The following GALNT18 variants were observed in gnomAD, a reference collection of about 807,000 sequenced individuals.
GALNT18 encodes polypeptide N-acetylgalactosaminyltransferase 18.
In GALNT18, 44 loss-of-function variants were observed where a neutral mutation model predicts 69.5. The observed-to-expected ratio is 0.63, with a 90% CI of 0.50 to 0.81. GALNT18 has a LOEUF of 0.81. GALNT18 is among the 40% of genes least tolerant of loss of function. The pLI, the probability that GALNT18 is intolerant of heterozygous loss-of-function variation, is 0.00. For missense variants in GALNT18, 715 were observed against 810.0 expected (o/e 0.88, Z 1.42); for synonymous variants, 364 against 318.2 (o/e 1.14, Z -1.53).
chr11:11,390,408 GA>G (rs1440000254), intron 3 of GALNT18, among the ~76,000 whole-genome samples: 1 of 152,190 alleles, frequency 6.6e-6, no homozygotes, highest in Non-Finnish European at 1.5e-5. Flanking sequence ...AGACACAGGG[GA>G]CTAGAAAACA....
In GALNT18 at chr11:11,339,529, A is replaced by G. The variant is rs1013819309; in HGVS notation, c.1278+1290T>C. ...TTCCAAGTGTTCTTAATATTTTGCC[A>G]TCACAGGACACCTACCACAGGGCTT... On this transcript the variant is annotated intron_variant, in intron 7 of 10. Coordinates refer to ENST00000227756, the MANE Select transcript of GALNT18 (RefSeq NM_198516.3). This position sits in a 1 kb window ranked among gnomAD's most constrained non-coding sequence, Gnocchi z 5.2. Among the ~76,000 whole-genome samples, 28 of 152,152 alleles carry G rather than the reference A, an allele frequency of 1.8e-4. No individual in the cohort carries two copies. Among genetic ancestry groups the G allele is most frequent in the Admixed American group, 1.6e-3 (24 of 15,266 alleles).
chr11:11,276,217 C>G (rs981373991), intron 10 of GALNT18, among the ~76,000 whole-genome samples: 7 of 152,202 alleles, frequency 4.6e-5, no homozygotes, highest in Admixed American at 2.0e-4. Context: ...TTGAGCAGTG[C>G]TTTGTAGTTC....
intron 3 of GALNT18, among the ~76,000 whole-genome samples, chr11:11,388,689 C>T (rs994710871): frequency 1.1e-4 from 16 of 152,150 alleles, no homozygotes; most frequent in African/African-American, 2.9e-4. Flanking sequence ...GCTGGTCTAA[C>T]GCCCAGGGCT....
At chr11:11,475,098 A>G (rs1429449037) in intron 1 of GALNT18, 1 of 152,246 alleles carries the variant, frequency 6.6e-6, no homozygotes, top group Non-Finnish European at 1.5e-5. Flanking sequence ...ACTACTGAAT[A>G]CCATGTAAAT....
intron 6 of GALNT18, among the ~76,000 whole-genome samples, chr11:11,368,590 T>G (rs927902506): frequency 3.9e-5 from 6 of 152,192 alleles, no homozygotes; most frequent in African/African-American, 1.2e-4. Flanking sequence ...TTTTCCAGTT[T>G]CTTAATTTTA....
chr11:11,364,700 A>G (rs576392984), intron 6 of GALNT18, among the ~76,000 whole-genome samples: 616 of 152,234 alleles, frequency 4.0e-3, no homozygotes, highest in African/African-American at 0.014. Flanking sequence ...ATACTAGAAT[A>G]TTTGACAGTA....
chr11:11,553,988 T>C (rs570078197), intron 1 of GALNT18, among the ~76,000 whole-genome samples: 9 of 152,324 alleles, frequency 5.9e-5, no homozygotes, highest in African/African-American at 2.2e-4. Flanking sequence ...TGATTACTGC[T>C]CCCCTTCTGC....
intron 1 of GALNT18, among the ~76,000 whole-genome samples, chr11:11,552,507 G>A (rs760207037): frequency 7.9e-5 from 12 of 152,192 alleles, no homozygotes; most frequent in Non-Finnish European, 1.8e-4. Context: ...AATGCAAACA[G>A]CATATGGGCA....
At chr11:11,286,569 C>T (rs1008062926) in intron 10 of GALNT18, among the ~76,000 whole-genome samples, 9 of 152,128 alleles carry the variant, frequency 5.9e-5, no homozygotes, top group Admixed American at 1.3e-4. Context: ...TTTGGGGCTC[C>T]CACAAACCTA....
At chr11:11,414,126 C>T (rs1213686334) in intron 3 of GALNT18, among the ~76,000 whole-genome samples, 4 of 152,186 alleles carry the variant, frequency 2.6e-5, no homozygotes, top group African/African-American at 4.8e-5. Context: ...TCTCTCCCTA[C>T]AGCCATTACA....
chr11:11,331,785 G>C (rs1315441929), intron 8 of GALNT18, among the ~76,000 whole-genome samples: 2 of 152,128 alleles, frequency 1.3e-5, no homozygotes, highest in African/African-American at 2.4e-5. Flanking sequence ...GAGTAGTCTT[G>C]GGGGTTTGTC....
At position 11,464,651 on chromosome 11, in the gene GALNT18, C is replaced by T. The variant is rs78718670; in HGVS notation, c.236-15715G>A. Among the ~76,000 whole-genome samples the T allele has an allele frequency of 6.4e-3, 968 of 152,260 alleles. 4 individuals carry two copies. Among genetic ancestry groups the T allele is most frequent in the Non-Finnish European group, 0.01 (713 of 68,030 alleles). Reference sequence around the variant, plus strand: ...TTGGCATTGTAAATAAAATGAAATTCATTTATTTGATTAATATGCATCAAG... The same window carrying T: ...TTGGCATTGTAAATAAAATGAAATTTATTTATTTGATTAATATGCATCAAG... On this transcript the variant is annotated intron_variant, in intron 1 of 10. Transcript: ENST00000227756.
intron 3 of GALNT18, among the ~76,000 whole-genome samples, chr11:11,400,379 A>T (rs950115536): frequency 2.0e-5 from 3 of 152,252 alleles, no homozygotes; most frequent in African/African-American, 7.2e-5. Context: ...CGCAATGATC[A>T]TTAGACAAAG....
intron 1 of GALNT18, among the ~76,000 whole-genome samples, chr11:11,545,859 G>C (rs1382303943): frequency 6.6e-6 from 1 of 152,164 alleles, no homozygotes; most frequent in Non-Finnish European, 1.5e-5. Context: ...TGGATCCCAG[G>C]GGGGATGTGG....
chr11:11,396,549 T>C lies in GALNT18; in HGVS notation c.596-17285A>G, dbSNP rs17365106. On this transcript the variant is annotated intron_variant, in intron 3 of 10. Transcript: ENST00000227756. This position sits in a 1 kb window ranked among gnomAD's most constrained non-coding sequence, Gnocchi z 5.2. ...CTACATAGCAACACGGACAGCTTGG[T>C]AACAAACAAAGAAAATGGAAGCCAA... Among the ~76,000 whole-genome samples the C allele has an allele frequency of 0.083, 12,644 of 152,138 alleles. 728 individuals carry two copies. Among genetic ancestry groups the C allele is most frequent in the Admixed American group, 0.15 (2,288 of 15,276 alleles).
chr11:11,340,128 C>T lies in GALNT18; in HGVS notation c.1278+691G>A, dbSNP rs1850177781. Among the ~76,000 whole-genome samples the T allele has an allele frequency of 6.6e-6, 1 of 152,192 alleles. No individual in the cohort carries two copies. Among genetic ancestry groups the T allele is most frequent in the African/African-American group, 2.4e-5 (1 of 41,446 alleles). On this transcript the variant is annotated intron_variant, in intron 7 of 10. Coordinates refer to ENST00000227756, the MANE Select transcript of GALNT18 (RefSeq NM_198516.3). The surrounding 1 kb of genome is among the most constrained non-coding windows in gnomAD (Gnocchi z 4.2). The stretch of plus-strand genomic sequence containing the variant: ...CAGTAGTAGAGCTGGGTTCTCTCAA[C>T]TCAGTAGTCCAAGGTCATTTCCACA...
chr11:11,455,685 A>G (rs755825663), intron 1 of GALNT18, among the ~76,000 whole-genome samples: 3 of 152,354 alleles, frequency 2.0e-5, no homozygotes, highest in Non-Finnish European at 4.4e-5. Context: ...AACCACAGTG[A>G]AGACTGCGAG....
chr11:11,502,766 A>G (rs1019808568), intron 1 of GALNT18, among the ~76,000 whole-genome samples: 3 of 152,208 alleles, frequency 2.0e-5, no homozygotes, highest in African/African-American at 7.2e-5. Flanking sequence ...ATAAGTTGTG[A>G]CATTTGTAAC....
At position 11,595,641 on chromosome 11, in the gene GALNT18, T is replaced by C. The variant is rs943197243; in HGVS notation, c.235+25718A>G. On this transcript the variant is annotated intron_variant, in intron 1 of 10. Transcript: ENST00000227756. The surrounding 1 kb of genome is among the most constrained non-coding windows in gnomAD (Gnocchi z 5.2). ...TACATTTCCCAAATGGCTAATTATGTCCAGCATCCTTTCATGTGGTTACTG... is the reference window on the plus strand; with the variant it reads ...TACATTTCCCAAATGGCTAATTATGCCCAGCATCCTTTCATGTGGTTACTG... 3.9e-5 allele frequency among the ~76,000 whole-genome samples: 6 copies of C among 152,256 alleles called. No homozygotes were observed. The highest frequency in any genetic ancestry group is 8.8e-5 in the Non-Finnish European group (6 of 68,042).
Sources: gnomAD v4.1 joint callset for allele counts (sites outside exome capture counted in the v4.1 genomes callset) on GRCh38, gnomAD v4.1.1 for gene constraint, Gnocchi (gnomAD v3.1) non-coding constraint, MANE v1.5 for transcripts, NCBI Gene and HGNC (gene_info 2026-07-23, HGNC 2026-07-21) for gene names.